PAM: variants seen among roughly 807,000 people sequenced by gnomAD.
The protein encoded by PAM is peptidyl-glycine alpha-amidating monooxygenase.
A neutral mutation model predicts 122.1 loss-of-function variants in PAM; 72 were observed. The ratio of observed to expected loss-of-function variants is 0.59; its 90% CI spans 0.49 to 0.72. The LOEUF is 0.72. PAM is among the 30% of genes least tolerant of loss of function. PAM has a pLI of 0.00. For synonymous variants in PAM, 389 were observed against 404.4 expected, an observed-to-expected ratio of 0.96 and a Z score of 0.46; for missense variants, 1,106 against 1,183.7, an observed-to-expected ratio of 0.93 and a Z score of 0.96.
intron 4 of PAM, among the ~76,000 whole-genome samples, chr5:102,911,106 TG>T (rs940928861): frequency 4.0e-4 from 61 of 152,124 alleles, no homozygotes; most frequent in African/African-American, 1.4e-3. Flanking sequence ...ATCTACTGTT[TG>T]TTTTAGATTT....
intron 1 of PAM, among the ~76,000 whole-genome samples, chr5:102,760,403 C>T (rs1751974520): frequency 6.6e-6 from 1 of 152,168 alleles, no homozygotes; most frequent in South Asian, 2.1e-4. Context: ...GAAACTGTGG[C>T]ACCCTGATTT....
chr5:102,949,929 G>T lies in PAM; in HGVS notation c.752G>T (p.Arg251Ile). ...AAGGTAGTAAGTGGATACAGAGTAA[G>T]AAATGGACAGTGGACACTGATTGGA... The part of the protein sequence containing the change: ...LGKVVSGYRV[R>I]NGQWTLIGRQ... The change falls in exon 11 of 26, where the codon AGA becomes ATA. Residue 251 changes from arginine (R) to isoleucine (I), a missense_variant. This residue lies in a region of PAM where 670 missense variants were observed against 690.3 expected (regional missense o/e 0.97). Transcript: ENST00000438793. 6.3e-7 allele frequency: 1 copy of T among 1,586,854 alleles called. No homozygotes were observed. The highest frequency in any genetic ancestry group is 2.2e-5 in the East Asian group (1 of 44,628).
intron 3 of PAM, among the ~76,000 whole-genome samples, chr5:102,885,655 G>A (rs1792821918): frequency 6.6e-6 from 1 of 151,980 alleles, no homozygotes; most frequent in Non-Finnish European, 1.5e-5. Flanking sequence ...GGCCAGAGGT[G>A]AGGAAATTAA....
intron 1 of PAM, among the ~76,000 whole-genome samples, chr5:102,784,022 T>A (rs182165582): frequency 6.6e-6 from 1 of 152,174 alleles, no homozygotes; most frequent in Non-Finnish European, 1.5e-5. Flanking sequence ...GCCTCCCAAG[T>A]AGCTGGGACT....
intron 1 of PAM, among the ~76,000 whole-genome samples, chr5:102,764,425 G>A (rs1753285861): frequency 6.6e-6 from 1 of 151,996 alleles, no homozygotes; most frequent in African/African-American, 2.4e-5. Context: ...TAGCATTTGA[G>A]CAAAAACCCA....
At chr5:102,910,921 A>G (rs1445471121) in intron 4 of PAM, among the ~76,000 whole-genome samples, 1 of 151,858 alleles carries the variant, frequency 6.6e-6, no homozygotes, top group African/African-American at 2.4e-5. Flanking sequence ...TGTGCCCAGC[A>G]CACCTAGAAT....
chr5:102,893,585 C>A (rs1795341017), intron 3 of PAM, among the ~76,000 whole-genome samples: 2 of 151,720 alleles, frequency 1.3e-5, no homozygotes. Flanking sequence ...AGTTTTTATT[C>A]TTTTCTTACT....
intron 15 of PAM, among the ~76,000 whole-genome samples, chr5:102,981,552 A>G (rs1289553735): frequency 6.6e-6 from 1 of 152,238 alleles, no homozygotes; most frequent in African/African-American, 2.4e-5. Context: ...CATAGACTTT[A>G]ATGCATTTAT....
At chr5:102,940,428 GTA>G (rs535846318) in intron 7 of PAM, among the ~76,000 whole-genome samples, 55 of 146,640 alleles carry the variant, frequency 3.8e-4, no homozygotes, top group African/African-American at 9.7e-4. Flanking sequence ...CATTTAAAGT[GTA>G]TATATATATA....
chr5:102,757,330 A>AAC (rs35531526), intron 1 of PAM, among the ~76,000 whole-genome samples: 2 of 151,978 alleles, frequency 1.3e-5, no homozygotes, highest in East Asian at 1.9e-4. Flanking sequence ...TCTCAAAAAA[A>AAC]GATAAAACTA....
chr5:102,782,725 C>CTCTCTGTG (rs1387780206), intron 1 of PAM, among the ~76,000 whole-genome samples: 3 of 140,188 alleles, frequency 2.1e-5, no homozygotes, highest in South Asian at 2.4e-4. Context: ...CTCTCTCTCT[C>CTCTCTGTG]TGTGTGTGTG....
chr5:102,786,220 C>T (rs925618636), intron 1 of PAM, among the ~76,000 whole-genome samples: 1 of 152,166 alleles, frequency 6.6e-6, no homozygotes, highest in African/African-American at 2.4e-5. Context: ...GATCCTGGAG[C>T]CAGACTGAGC....
intron 3 of PAM, among the ~76,000 whole-genome samples, chr5:102,870,119 G>A (rs539182877): frequency 2.0e-5 from 3 of 149,500 alleles, no homozygotes; most frequent in South Asian, 2.1e-4. Context: ...TTTTTTGATC[G>A]CAGACAATCA....
At chr5:102,796,111 G>A (rs1176603844) in intron 1 of PAM, among the ~76,000 whole-genome samples, 2 of 152,152 alleles carry the variant, frequency 1.3e-5, no homozygotes, top group Non-Finnish European at 2.9e-5. Flanking sequence ...AGAGGCACTG[G>A]ACATTTGTAA....
intron 17 of PAM, among the ~76,000 whole-genome samples, chr5:103,004,517 A>C (rs1778371263): frequency 6.6e-6 from 1 of 152,150 alleles, no homozygotes; most frequent in South Asian, 2.1e-4. Context: ...AAACCACCTC[A>C]ATGTATTGTC....
Position 103,025,298 on chromosome 5 carries a change from A to G in PAM, c.2653A>G (p.Ile885Val), listed in dbSNP as rs1337440549. 3 of 1,613,684 alleles carry G rather than the reference A, an allele frequency of 1.9e-6. No individual in the cohort carries two copies. Among genetic ancestry groups the G allele is most frequent in the African/African-American group, 1.3e-5 (1 of 74,976 alleles). Residue 885 changes from isoleucine (I) to valine (V), a missense_variant, in exon 24 of 26, where the codon ATA (isoleucine) becomes GTA (valine). By Grantham distance (29) the Ile-to-Val change is conservative (BLOSUM62 3). Coordinates refer to ENST00000438793, the MANE Select transcript of PAM (RefSeq NM_001177306.2). Reference sequence around the variant, plus strand: ...GGTGGTTGTCCTGCTGGCCATTGCCATATTTATTCGGTGGAAAAAATCAAG... The same window carrying G: ...GGTGGTTGTCCTGCTGGCCATTGCCGTATTTATTCGGTGGAAAAAATCAAG... ...IPVVVLLAIA[I>V]FIRWKKSRAF...
At chr5:102,934,218 T>C (rs1752524235) in intron 7 of PAM, among the ~76,000 whole-genome samples, 1 of 152,006 alleles carries the variant, frequency 6.6e-6, no homozygotes, top group South Asian at 2.1e-4. Context: ...AGCAACTGAG[T>C]CTCTACAGTG....
chr5:102,792,105 G>T (rs918575793), intron 1 of PAM, among the ~76,000 whole-genome samples: 6 of 152,018 alleles, frequency 3.9e-5, no homozygotes, highest in African/African-American at 1.4e-4. Context: ...CACAAGTGGA[G>T]ATTAGAGCCA....
intron 4 of PAM, among the ~76,000 whole-genome samples, chr5:102,906,562 C>T (rs1312972725): frequency 6.6e-6 from 1 of 151,668 alleles, no homozygotes; most frequent in Admixed American, 6.6e-5. Context: ...CAGATCCCAG[C>T]CTCACCACTT....
Sources: gnomAD v4.1 joint callset for allele counts (sites outside exome capture counted in the v4.1 genomes callset) on GRCh38, gnomAD v4.1.1 for gene constraint, gnomAD v4.1.1 regional missense constraint, MANE v1.5 for transcripts, NCBI Gene and HGNC (gene_info 2026-07-23, HGNC 2026-07-21) for gene names.